Variants in WDR88 observed in about 807,000 individuals in gnomAD.
WDR88 encodes WD repeat-containing protein 88.
In WDR88, 40 loss-of-function variants were observed where a neutral mutation model predicts 46.8. The observed-to-expected ratio is 0.86, with a 90% confidence interval of 0.66 to 1.11. WDR88 has a LOEUF of 1.11. WDR88 is among the 50% of genes most tolerant of loss of function. The pLI is 0.00. For missense variants in WDR88, 562 were observed against 602.4 expected, an observed-to-expected ratio of 0.93 and a Z score of 0.70; for synonymous variants, 235 against 240.7, an observed-to-expected ratio of 0.98 and a Z score of 0.22.
At position 33,164,261 on chromosome 19, in the gene WDR88, C is replaced by T; in HGVS notation, c.1145C>T (p.Ser382Phe). The T allele has an allele frequency of 6.2e-7, 1 of 1,613,918 alleles. No individual in the cohort carries two copies. The highest frequency in any genetic ancestry group is 1.7e-5 in the Admixed American group (1 of 60,014). ...AACAAGAAATGGATCCTGTCTGCTT[C>T]CAAGGTAAAAGTGGTCAAGCTTACA... ...SNNKKWILSASKDRTMRLWNI... is the reference protein window; with the variant it reads ...SNNKKWILSAFKDRTMRLWNI... Residue 382 changes from serine (S) to phenylalanine (F), a missense_variant, in exon 9 of 11, where the codon TCC becomes TTC. Physicochemically the swap from Ser to Phe is radical, Grantham distance 155. Transcript: ENST00000355868.
chr19:33,172,950 G>A (rs1341071482), intron 10 of WDR88, among the ~76,000 whole-genome samples: 2 of 151,856 alleles, frequency 1.3e-5, no homozygotes, highest in African/African-American at 4.8e-5. Context: ...AAATTAGCCA[G>A]GCTTGGTGGT....
intron 7 of WDR88, among the ~76,000 whole-genome samples, chr19:33,157,722 TATATATATATATATA>T (rs1973786962): frequency 1.7e-5 from 1 of 58,748 alleles, no homozygotes; most frequent in Non-Finnish European, 2.7e-5. Context: ...TATATATATA[TATATATATATATATA>T]AAATTAAAGA....
At chr19:33,166,377 C>T (rs1973954689) in intron 9 of WDR88, among the ~76,000 whole-genome samples, 2 of 151,054 alleles carry the variant, frequency 1.3e-5, no homozygotes, top group South Asian at 4.2e-4. Flanking sequence ...ATAGCTTGAG[C>T]TCAGGAGTTT....
chr19:33,175,621 A>C lies in WDR88; in HGVS notation c.*49A>C, dbSNP rs1337520317. 1.2e-6 allele frequency: 2 copies of C among 1,606,152 alleles called. No homozygotes were observed. The highest frequency in any genetic ancestry group is 1.7e-6 in the Non-Finnish European group (2 of 1,175,156). On this transcript the variant is annotated 3_prime_UTR_variant, in exon 11 of 11. Coordinates refer to ENST00000355868, the MANE Select transcript of WDR88 (RefSeq NM_173479.4). ...CTCCAGCACAGGCTACCTAGCATGTAGGTTTCGGGGCTTTGCAGGGGCTTT... is the reference window on the plus strand; with the variant it reads ...CTCCAGCACAGGCTACCTAGCATGTCGGTTTCGGGGCTTTGCAGGGGCTTT...
At chr19:33,142,616 A>G (rs967397253) in intron 2 of WDR88, among the ~76,000 whole-genome samples, 1 of 151,850 alleles carries the variant, frequency 6.6e-6, no homozygotes, top group Non-Finnish European at 1.5e-5. Context: ...TCTTGGGACA[A>G]CAACCAAGGT....
rs972729283 is a variant in WDR88, at chr19:33,148,001, G to T, written c.540+293G>T. 3.3e-5 allele frequency among the ~76,000 whole-genome samples: 5 copies of T among 152,032 alleles called. 1 individual carries two copies. The South Asian group carries it at 1.0e-3, about 32-fold the overall frequency. On this transcript the variant is annotated intron_variant, in intron 4 of 10. Transcript: ENST00000355868. ...TGGGATGGGTTTGGATACACAGAAA[G>T]AAGCCAGAATTGGGGGTGGGGTGTG... is the stretch of plus-strand genomic sequence containing the variant.
In WDR88 at chr19:33,137,767, G is replaced by C. The variant is rs760089262; in HGVS notation, c.367G>C (p.Asp123His). The change falls in exon 2 of 11, where the codon GAC becomes CAC. Residue 123 changes from aspartate (D) to histidine (H), a missense_variant. Physicochemically the swap from Asp to His is moderately conservative, Grantham distance 81. Coordinates refer to ENST00000355868, the MANE Select transcript of WDR88 (RefSeq NM_173479.4). ...CACAAAGCTCCTCAGTGGCTCCTAT[G>C]ACTGCACTGTGAAGCTGTGGGTAGG... ...DDTKLLSGSY[D>H]CTVKLWDPVD... 20 of 1,613,512 alleles carry C rather than the reference G, an allele frequency of 1.2e-5. No individual in the cohort carries two copies. In the South Asian group the frequency reaches 2.1e-4, roughly 17 times the overall value.
At chr19:33,144,818 TCTC>T (rs749405544) in intron 2 of WDR88, 23 bp from the exon 3 acceptor site, 13 of 1,607,960 alleles carry the variant, frequency 8.1e-6, no homozygotes, top group South Asian at 2.2e-5. Context: ...ACCACTCTCT[TCTC>T]CTCTCTCTCC....
intron 6 of WDR88, among the ~76,000 whole-genome samples, chr19:33,155,404 G>C (rs991579903): frequency 3.3e-5 from 5 of 152,206 alleles, no homozygotes; most frequent in Non-Finnish European, 5.9e-5. Context: ...GCCTCCCAAA[G>C]TGCTGGGATT....
intron 9 of WDR88, among the ~76,000 whole-genome samples, chr19:33,165,421 T>A (rs1973937421): frequency 6.6e-6 from 1 of 152,096 alleles, no homozygotes; most frequent in Admixed American, 6.5e-5. Flanking sequence ...GCCTATATGT[T>A]ACTACTTTAA....
At chr19:33,173,698 A>C (rs544427535) in intron 10 of WDR88, among the ~76,000 whole-genome samples, 14 of 152,336 alleles carry the variant, frequency 9.2e-5, no homozygotes, top group Non-Finnish European at 1.3e-4. Context: ...GTGAAAGCTG[A>C]CTTGCTACAG....
At chr19:33,137,061 G>T (rs1484247635) in intron 1 of WDR88, among the ~76,000 whole-genome samples, 1 of 151,216 alleles carries the variant, frequency 6.6e-6, no homozygotes, top group Non-Finnish European at 1.5e-5. Context: ...CTCCTGAGTG[G>T]CTGGGACTAC....
chr19:33,134,753 C>G (rs897325698), intron 1 of WDR88, among the ~76,000 whole-genome samples: 1 of 151,994 alleles, frequency 6.6e-6, no homozygotes, highest in Non-Finnish European at 1.5e-5. Context: ...GGCAACGGAG[C>G]CCGCGTTCCA....
At chr19:33,172,471 A>G (rs763826961) in intron 10 of WDR88, 31 bp downstream of exon 10, 1 of 1,557,386 alleles carries the variant, frequency 6.4e-7, no homozygotes, top group Non-Finnish European at 8.8e-7. Context: ...AGCCCAGTGA[A>G]GGCTTTCGTT....
At chr19:33,133,683 A>G (rs934484899) in intron 1 of WDR88, among the ~76,000 whole-genome samples, 1 of 152,138 alleles carries the variant, frequency 6.6e-6, no homozygotes, top group Non-Finnish European at 1.5e-5. Context: ...AAGTCTGGCG[A>G]TCTGCCTGTG....
chr19:33,163,365 G>C (rs1438651685), intron 8 of WDR88, among the ~76,000 whole-genome samples: 1 of 151,446 alleles, frequency 6.6e-6, no homozygotes, highest in Non-Finnish European at 1.5e-5. Flanking sequence ...GCATGGTGAT[G>C]GGCACCTGTA....
chr19:33,173,197 G>A (rs989488465), intron 10 of WDR88, among the ~76,000 whole-genome samples: 7 of 151,946 alleles, frequency 4.6e-5, no homozygotes, highest in Admixed American at 4.6e-4. Context: ...CTGGTGCATC[G>A]GAGGGGTGGA....
intron 2 of WDR88, among the ~76,000 whole-genome samples, chr19:33,142,138 G>T (rs1973407709): frequency 6.6e-6 from 1 of 152,112 alleles, no homozygotes; most frequent in South Asian, 2.1e-4. Context: ...GTAGGGTTAT[G>T]GGTTCACCCT....
intron 10 of WDR88, 68 bp downstream of exon 10, chr19:33,172,508 T>A: frequency 7.3e-7 from 1 of 1,373,592 alleles, no homozygotes; most frequent in Admixed American, 2.0e-5. Flanking sequence ...TAATTTATCA[T>A]TTGAATGAAC....
Sources: gnomAD v4.1 joint callset for allele counts (sites outside exome capture counted in the v4.1 genomes callset) on GRCh38, gnomAD v4.1.1 for gene constraint, MANE v1.5 for transcripts, NCBI Gene and HGNC (gene_info 2026-07-23, HGNC 2026-07-21) for gene names.